The following GRM3 variants were observed in gnomAD, a reference collection of about 807,000 sequenced individuals.
The protein encoded by GRM3 is metabotropic glutamate receptor 3.
In GRM3, 26 loss-of-function variants were observed where a neutral mutation model predicts 70.5. The ratio of observed to expected loss-of-function variants is 0.37; its 90% CI spans 0.27 to 0.51. The LOEUF is 0.51. Ranked by LOEUF, GRM3 falls within the 20% of genes least tolerant of loss-of-function variation. The pLI is 0.93. For missense variants in GRM3, 859 were observed against 1,123.8 expected (o/e 0.76, Z 3.37); for synonymous variants, 443 against 434.9 (o/e 1.02, Z -0.23).
intron 1 of GRM3, among the ~76,000 whole-genome samples, chr7:86,730,286 G>A (rs1382740952): frequency 6.6e-6 from 1 of 152,110 alleles, no homozygotes; most frequent in African/African-American, 2.4e-5. Context: ...TGAACATGGT[G>A]GCACATGCCT....
chr7:86,816,102 C>T (rs971787434), intron 3 of GRM3, among the ~76,000 whole-genome samples: 6 of 151,842 alleles, frequency 4.0e-5, no homozygotes, highest in African/African-American at 1.2e-4. Context: ...TACATTGTTT[C>T]ATGGAGAAGG....
intron 3 of GRM3, among the ~76,000 whole-genome samples, chr7:86,805,232 T>C (rs1797764744): frequency 6.6e-6 from 1 of 152,266 alleles, no homozygotes; most frequent in Admixed American, 6.5e-5. Flanking sequence ...ATTTATGTGT[T>C]GTTCAATATA....
chr7:86,710,165 C>T (rs1795160374), intron 1 of GRM3: 1 of 152,020 alleles, frequency 6.6e-6, no homozygotes, highest in Non-Finnish European at 1.5e-5. Context: ...ATTGTCTTAT[C>T]TTTTCATTTT....
At chr7:86,661,987 C>G (rs1318338495) in intron 1 of GRM3, among the ~76,000 whole-genome samples, 5 of 151,808 alleles carry the variant, frequency 3.3e-5, no homozygotes, top group South Asian at 2.1e-4. Context: ...AAAACCTACT[C>G]ATATTTATGG....
intron 1 of GRM3, among the ~76,000 whole-genome samples, chr7:86,738,431 G>A (rs1795912910): frequency 6.6e-6 from 1 of 152,176 alleles, no homozygotes; most frequent in Admixed American, 6.5e-5. Flanking sequence ...AATTAATTGT[G>A]AGGGCCAGAT....
intron 1 of GRM3, among the ~76,000 whole-genome samples, chr7:86,707,054 A>C (rs573791629): frequency 6.6e-6 from 1 of 152,206 alleles, no homozygotes; most frequent in South Asian, 2.1e-4. Context: ...CGATAGCAAG[A>C]GTAGCTAAAA....
intron 1 of GRM3, among the ~76,000 whole-genome samples, chr7:86,683,019 GAACAA>G (rs781732811): frequency 5.3e-5 from 8 of 152,130 alleles, no homozygotes; most frequent in Non-Finnish European, 1.2e-4. Flanking sequence ...GATTTGAACT[GAACAA>G]ATCATTCTGG....
chr7:86,717,626 G>T (rs1247921396), intron 1 of GRM3, among the ~76,000 whole-genome samples: 1 of 151,946 alleles, frequency 6.6e-6, no homozygotes, highest in Admixed American at 6.6e-5. Flanking sequence ...GCAGATGGTA[G>T]CATGTGGTTA....
chr7:86,690,133 G>C (rs1584167687), intron 1 of GRM3, among the ~76,000 whole-genome samples: 1 of 152,116 alleles, frequency 6.6e-6, no homozygotes, highest in Admixed American at 6.6e-5. Flanking sequence ...GGGTCCTAGG[G>C]GCCTTCACTT....
In GRM3 at chr7:86,817,741, A is replaced by C. The variant is rs182064118; in HGVS notation, c.1325-21098A>C. 4.6e-5 allele frequency among the ~76,000 whole-genome samples: 7 copies of C among 152,048 alleles called. No homozygotes were observed. The East Asian group carries it at 1.4e-3, about 30-fold the overall frequency. ...GCACATACTACATGTGAGGCCCTAT[A>C]CCTTCTAGCCTACATTAAAGCTAGA... On this transcript the variant is annotated intron_variant, in intron 3 of 5. Coordinates refer to ENST00000361669, the MANE Select transcript of GRM3 (RefSeq NM_000840.3).
rs141017256 is a variant in GRM3 at position 86,672,039 on chromosome 7, T to G, written c.-141+27167T>G. On this transcript the variant is annotated intron_variant, in intron 1 of 5. Transcript: ENST00000361669. Reference sequence around the variant, plus strand: ...TTCTCTGGGGGTTTTATTTTTATTGTTTCTTCCACTGTTTTATTTTTTTCC... The same window carrying G: ...TTCTCTGGGGGTTTTATTTTTATTGGTTCTTCCACTGTTTTATTTTTTTCC... 1.8e-3 allele frequency among the ~76,000 whole-genome samples: 272 copies of G among 152,320 alleles called. 3 individuals are homozygous for G. The East Asian group carries it at 0.034, about 19-fold the overall frequency.
chr7:86,694,511 C>CAAAAAAAAAAAAAAAAAA, intron 1 of GRM3, among the ~76,000 whole-genome samples: 2 of 37,788 alleles, frequency 5.3e-5, no homozygotes, highest in Non-Finnish European at 9.8e-5. Flanking sequence ...GACTCTGTCT[C>CAAAAAAAAAAAAAAAAAA]AAAAAAAAAA....
chr7:86,691,003 A>C (rs1253956540), intron 1 of GRM3, among the ~76,000 whole-genome samples: 1 of 152,154 alleles, frequency 6.6e-6, no homozygotes, highest in Non-Finnish European at 1.5e-5. Flanking sequence ...TAACATAGCC[A>C]AAACAGATCT....
intron 1 of GRM3, among the ~76,000 whole-genome samples, chr7:86,694,802 G>T (rs79026261): frequency 6.6e-6 from 1 of 152,072 alleles, no homozygotes; most frequent in Non-Finnish European, 1.5e-5. Flanking sequence ...CCAAGACAGC[G>T]CTTATTGTTT....
chr7:86,819,112 C>T (rs1030948786), intron 3 of GRM3, among the ~76,000 whole-genome samples: 1 of 152,116 alleles, frequency 6.6e-6, no homozygotes, highest in Non-Finnish European at 1.5e-5. Context: ...TGAAAGAGTA[C>T]TTCCCTTTAT....
chr7:86,832,748 G>A (rs973221884), intron 3 of GRM3, among the ~76,000 whole-genome samples: 4 of 152,116 alleles, frequency 2.6e-5, no homozygotes, highest in African/African-American at 9.7e-5. Flanking sequence ...TAGACTTGCT[G>A]CCTCTCTACC....
chr7:86,739,468 T>C (rs928638307), intron 1 of GRM3, among the ~76,000 whole-genome samples: 5 of 152,202 alleles, frequency 3.3e-5, no homozygotes, highest in Admixed American at 6.5e-5. Context: ...CTGATTGATA[T>C]ATAAAAACTT....
chr7:86,799,469 G>A (rs546702955), intron 3 of GRM3, among the ~76,000 whole-genome samples: 3 of 152,266 alleles, frequency 2.0e-5, no homozygotes, highest in Non-Finnish European at 4.4e-5. Context: ...CATTCAGTAT[G>A]ATATTGCCTA....
At chr7:86,823,273 G>A (rs1275670330) in intron 3 of GRM3, among the ~76,000 whole-genome samples, 1 of 152,046 alleles carries the variant, frequency 6.6e-6, no homozygotes. Context: ...ATATCTAGTT[G>A]AGAGGCAAAG....
Sources: allele counts gnomAD v4.1 joint callset (sites outside exome capture counted in the v4.1 genomes callset), GRCh38; gene constraint gnomAD v4.1.1; transcripts MANE v1.5; gene names NCBI Gene and HGNC (gene_info 2026-07-23, HGNC 2026-07-21).